METTL24: variants seen among roughly 807,000 people sequenced by gnomAD.
METTL24 encodes methyltransferase like 24.
A neutral mutation model predicts 32.7 loss-of-function variants in METTL24; 29 were observed. The ratio of observed to expected loss-of-function variants is 0.89; its 90% CI spans 0.66 to 1.21. The LOEUF is 1.21. Ranked by LOEUF, METTL24 falls within the 50% of genes most tolerant of loss-of-function variation. The pLI, the probability that METTL24 is intolerant of heterozygous loss-of-function variation, is 0.00. For missense variants in METTL24, 439 were observed against 468.1 expected (o/e 0.94, Z 0.57); for synonymous variants, 163 against 179.5 (o/e 0.91, Z 0.73).
At chr6:110,329,520 T>TG (rs1382934408) in intron 1 of METTL24, among the ~76,000 whole-genome samples, 1 of 73,854 alleles carries the variant, frequency 1.4e-5, no homozygotes, top group Admixed American at 1.4e-4. Flanking sequence ...TGGGAGTAGT[T>TG]GGGGGAGGGA....
At position 110,358,201 on chromosome 6, in the gene METTL24, C is replaced by CAACA; in HGVS notation, c.68_71dup (p.Leu24PhefsTer104). The CAACA allele has an allele frequency of 1.4e-6, 2 of 1,466,252 alleles. No individual in the cohort carries two copies. The highest frequency in any genetic ancestry group is 9.0e-7 in the Non-Finnish European group (1 of 1,115,760). The allele number at this position is 1,466,252 out of a possible 1,614,324, so 90.8% of individuals were successfully genotyped here. A position where few individuals can be genotyped will look rare whatever the true frequency, so the allele number is the denominator to read the frequency against. On this transcript the variant is annotated frameshift_variant, in exon 1 of 5. Coordinates refer to ENST00000338882, the MANE Select transcript of METTL24 (RefSeq NM_001123364.3). LOFTEE classifies it high-confidence loss of function. The stretch of plus-strand genomic sequence containing the variant: ...GCTCTGCGCAGAGCCGCAGGCCGAA[C>CAACA]AACAGCACAGCCCCGAGTAGACACC...
intron 4 of METTL24, among the ~76,000 whole-genome samples, chr6:110,280,275 G>T (rs982727832): frequency 6.6e-6 from 1 of 152,124 alleles, no homozygotes; most frequent in African/African-American, 2.4e-5. Context: ...ACATAAACAG[G>T]CATGTGCTGT....
At chr6:110,324,026 C>A (rs758786194) in intron 1 of METTL24, among the ~76,000 whole-genome samples, 36 of 152,064 alleles carry the variant, frequency 2.4e-4, no homozygotes, top group Non-Finnish European at 3.8e-4. Flanking sequence ...TGCTTTAGTA[C>A]AAATGTGGTT....
chr6:110,293,611 CTGT>C (rs1321338549), intron 4 of METTL24, among the ~76,000 whole-genome samples: 2 of 151,854 alleles, frequency 1.3e-5, no homozygotes, highest in African/African-American at 4.8e-5. Context: ...ATTGTATTAG[CTGT>C]TATCTTAAGA....
intron 1 of METTL24, among the ~76,000 whole-genome samples, chr6:110,351,039 C>T (rs896636903): frequency 1.3e-5 from 2 of 151,980 alleles, no homozygotes; most frequent in East Asian, 1.9e-4. Context: ...ACCCGGGAGG[C>T]GGAGGTTGCA....
intron 4 of METTL24, among the ~76,000 whole-genome samples, chr6:110,270,893 A>T (rs1365092943): frequency 3.4e-5 from 5 of 146,050 alleles, no homozygotes; most frequent in Non-Finnish European, 5.9e-5. Flanking sequence ...GCTGGAGTGC[A>T]GTGGCATGAT....
intron 4 of METTL24, among the ~76,000 whole-genome samples, chr6:110,248,979 G>A (rs1778223655): frequency 6.6e-6 from 1 of 151,826 alleles, no homozygotes; most frequent in Admixed American, 6.6e-5. Flanking sequence ...CCCAAAACCA[G>A]CATTTGTTCT....
intron 4 of METTL24, among the ~76,000 whole-genome samples, chr6:110,289,516 A>G (rs1435712267): frequency 6.6e-6 from 1 of 152,144 alleles, no homozygotes; most frequent in Non-Finnish European, 1.5e-5. Flanking sequence ...TAAATGGTAT[A>G]AACTCTAGCC....
chr6:110,278,051 C>T (rs1197993320), intron 4 of METTL24, among the ~76,000 whole-genome samples: 1 of 152,158 alleles, frequency 6.6e-6, no homozygotes, highest in Non-Finnish European at 1.5e-5. Context: ...GAAAGTGCCA[C>T]CGATGATGAT....
At chr6:110,276,067 C>A (rs190668447) in intron 4 of METTL24, among the ~76,000 whole-genome samples, 3 of 152,290 alleles carry the variant, frequency 2.0e-5, no homozygotes, top group African/African-American at 7.2e-5. Context: ...ACCAACATTT[C>A]TCCCTTTCCA....
At position 110,299,146 on chromosome 6, in the gene METTL24, C is replaced by G; in HGVS notation, c.562G>C (p.Gly188Arg). 6.2e-7 allele frequency: 1 copy of G among 1,613,186 alleles called. No homozygotes were observed. ...KQCRLYSLGLGSDDTHFEVSM... is the reference protein window; with the variant it reads ...KQCRLYSLGLRSDDTHFEVSM... ...ACCTCAAAATGGGTATCATCACTTC[C>G]TAGCCTATAAAGAAAGAGGACGGAA... Residue 188 changes from glycine (G) to arginine (R), a missense_variant, in exon 4 of 5, where the codon GGA (glycine) becomes CGA (arginine). Gly to Arg is a moderately radical substitution (Grantham distance 125, BLOSUM62 -2). Coordinates refer to ENST00000338882, the MANE Select transcript of METTL24 (RefSeq NM_001123364.3).
chr6:110,288,128 C>T (rs927267054), intron 4 of METTL24, among the ~76,000 whole-genome samples: 10 of 152,268 alleles, frequency 6.6e-5, no homozygotes, highest in African/African-American at 2.4e-4. Context: ...CAGAGTAGCC[C>T]AGTGCTTGTG....
intron 3 of METTL24, among the ~76,000 whole-genome samples, chr6:110,305,493 C>A (rs890476241): frequency 7.4e-5 from 11 of 149,184 alleles, no homozygotes; most frequent in Non-Finnish European, 1.0e-4. Flanking sequence ...AAAAAACAAA[C>A]AATTCCATCA....
At chr6:110,317,652 G>T (rs1214624726) in intron 2 of METTL24, among the ~76,000 whole-genome samples, 5 of 152,000 alleles carry the variant, frequency 3.3e-5, no homozygotes, top group Non-Finnish European at 7.4e-5. Context: ...ATTGTTCTTT[G>T]TGTACGTATC....
intron 2 of METTL24, among the ~76,000 whole-genome samples, chr6:110,320,140 TACAAGCTTGAGC>T (rs1771906188): frequency 6.6e-6 from 1 of 152,212 alleles, no homozygotes; most frequent in African/African-American, 2.4e-5. Flanking sequence ...GGCCTTGCTG[TACAAGCTTGAGC>T]ACAGATTTGA....
chr6:110,354,243 G>A (rs1446014350), intron 1 of METTL24, among the ~76,000 whole-genome samples: 2 of 152,172 alleles, frequency 1.3e-5, no homozygotes, highest in Non-Finnish European at 2.9e-5. Flanking sequence ...TGAAGAAGGG[G>A]ACGAGGAAAG....
Position 110,246,104 on chromosome 6 carries a change from G to A in METTL24, c.943C>T (p.Arg315Trp), listed in dbSNP as rs1209922717. Residue 315 changes from arginine to tryptophan, a missense_variant, in exon 5 of 5, where the codon CGG becomes TGG. Arg to Trp is a moderately radical substitution (Grantham distance 101). Coordinates refer to ENST00000338882, the MANE Select transcript of METTL24 (RefSeq NM_001123364.3). ...TCTTTGAGAAGGCTGTACCAGAACC[G>A]CACAACGCTGCTGTCACTGCCACTG... ...EVSGSDSSVV[R>W]FWYSLLKELE... The A allele has an allele frequency of 7.4e-6, 12 of 1,614,034 alleles. No individual in the cohort carries two copies. The highest frequency in any genetic ancestry group is 1.7e-5 in the Admixed American group (1 of 59,988).
rs188822214 is a variant in METTL24 at position 110,302,617 on chromosome 6, A to G, written c.558-3467T>C. 1.4e-3 allele frequency among the ~76,000 whole-genome samples: 116 copies of G among 83,480 alleles called. 17 individuals carry two copies. Among genetic ancestry groups the G allele is most frequent in the African/African-American group, 0.011 (86 of 8,124 alleles). 54.8% of individuals were successfully genotyped at this position (83,480 alleles called of 152,430 possible). ...TACACATATACACACACATATGTGTATATATATACACATATACACACACAT... is the reference window on the plus strand; with the variant it reads ...TACACATATACACACACATATGTGTGTATATATACACATATACACACACAT... On this transcript the variant is annotated intron_variant, in intron 3 of 4. Coordinates refer to ENST00000338882, the MANE Select transcript of METTL24 (RefSeq NM_001123364.3).
chr6:110,299,666 G>A (rs1243126635), intron 3 of METTL24, among the ~76,000 whole-genome samples: 1 of 152,094 alleles, frequency 6.6e-6, no homozygotes, highest in Non-Finnish European at 1.5e-5. Context: ...TAAGAAAAAA[G>A]GCAAATGTAT....
Sources: allele counts gnomAD v4.1 joint callset (sites outside exome capture counted in the v4.1 genomes callset), GRCh38; gene constraint gnomAD v4.1.1; transcripts MANE v1.5; gene names NCBI Gene and HGNC (gene_info 2026-07-23, HGNC 2026-07-21).